The following SRPK2 variants were observed in gnomAD, a reference collection of about 807,000 sequenced individuals.
SRPK2 encodes SRSF protein kinase 2, also known as SFRS protein kinase 2.
In SRPK2, 21 loss-of-function variants were observed where a neutral mutation model predicts 90.8. The observed-to-expected ratio is 0.23, with a 90% CI of 0.16 to 0.33. The LOEUF is 0.33. Ranked by LOEUF, SRPK2 falls within the 10% of genes least tolerant of loss-of-function variation. The probability of loss-of-function intolerance (pLI) is 1.00; values close to 1 mark genes in which losing one functional copy is unlikely to be tolerated. For missense variants in SRPK2, 620 were observed against 869.0 expected (o/e 0.71, Z 3.60); for synonymous variants, 288 against 311.1 (o/e 0.93, Z 0.78).
intron 2 of SRPK2, among the ~76,000 whole-genome samples, chr7:105,264,167 C>T (rs902975318): frequency 7.9e-5 from 12 of 152,292 alleles, no homozygotes; most frequent in African/African-American, 2.9e-4. Context: ...GTCCAGGATC[C>T]TTTTCCACTG....
At chr7:105,396,317 A>T (rs1822320313) in intron 1 of SRPK2, among the ~76,000 whole-genome samples, 1 of 152,032 alleles carries the variant, frequency 6.6e-6, no homozygotes, top group African/African-American at 2.4e-5. Context: ...CAGCCTGAAC[A>T]ATGAGACCAT....
intron 2 of SRPK2, among the ~76,000 whole-genome samples, chr7:105,289,872 T>C (rs1354445006): frequency 6.6e-6 from 1 of 152,156 alleles, no homozygotes; most frequent in Admixed American, 6.5e-5. Flanking sequence ...GTGTGAGATG[T>C]GTAACTCTTC....
chr7:105,153,835 T>C (rs1439501300), intron 7 of SRPK2, among the ~76,000 whole-genome samples: 2 of 152,064 alleles, frequency 1.3e-5, no homozygotes, highest in South Asian at 2.1e-4. Flanking sequence ...GAGTTCTTCA[T>C]TGAGAATATT....
intron 2 of SRPK2, among the ~76,000 whole-genome samples, chr7:105,227,074 G>C (rs1382718493): frequency 6.6e-6 from 1 of 152,136 alleles, no homozygotes; most frequent in African/African-American, 2.4e-5. Flanking sequence ...CAGAGAGAAT[G>C]GGGACCATAA....
chr7:105,252,762 A>C (rs1394620002), intron 2 of SRPK2, among the ~76,000 whole-genome samples: 13 of 113,146 alleles, frequency 1.1e-4, no homozygotes, highest in Middle Eastern at 0.01. Flanking sequence ...TTTTTTTTTG[A>C]GACAGAGTCT....
At chr7:105,387,914 C>A (rs1339000109) in intron 2 of SRPK2, among the ~76,000 whole-genome samples, 1 of 152,220 alleles carries the variant, frequency 6.6e-6, no homozygotes, top group Non-Finnish European at 1.5e-5. Flanking sequence ...GTGGCCGCCA[C>A]GGGCGCGTTT....
chr7:105,126,386 G>A (rs766390068), intron 14 of SRPK2, 46 bp from the exon 15 acceptor site: 5 of 1,359,170 alleles, frequency 3.7e-6, no homozygotes, highest in South Asian at 1.2e-5. Context: ...AGGGGCAAAG[G>A]GAAGGATGGG....
At chr7:105,179,318 T>C (rs1428616812) in intron 3 of SRPK2, among the ~76,000 whole-genome samples, 1 of 152,216 alleles carries the variant, frequency 6.6e-6, no homozygotes, top group Admixed American at 6.5e-5. Context: ...TACCTGGGTA[T>C]ATATTATGTG....
chr7:105,377,793 C>G (rs551797950), intron 2 of SRPK2, among the ~76,000 whole-genome samples: 4 of 152,144 alleles, frequency 2.6e-5, no homozygotes, highest in Admixed American at 1.3e-4. Flanking sequence ...AAAATGGCAA[C>G]ACCACCCATA....
intron 2 of SRPK2, among the ~76,000 whole-genome samples, chr7:105,337,477 G>A (rs939841963): frequency 7.9e-5 from 12 of 151,820 alleles, no homozygotes; most frequent in Admixed American, 5.9e-4. Flanking sequence ...ACCAAGCCCA[G>A]CTAATTTTTT....
chr7:105,228,129 T>G (rs1400620379), intron 2 of SRPK2, among the ~76,000 whole-genome samples: 1 of 152,146 alleles, frequency 6.6e-6, no homozygotes, highest in African/African-American at 2.4e-5. Context: ...GCAACCTCCA[T>G]CTCTTGGGCT....
chr7:105,320,518 A>G (rs1563233779), intron 2 of SRPK2, among the ~76,000 whole-genome samples: 1 of 152,216 alleles, frequency 6.6e-6, no homozygotes. Context: ...TCATTTCCAC[A>G]GTACTCAAAA....
chr7:105,119,619 G>C (rs1800041077), intron 15 of SRPK2, among the ~76,000 whole-genome samples: 1 of 152,178 alleles, frequency 6.6e-6, no homozygotes, highest in Admixed American at 6.5e-5. Flanking sequence ...CATCAGGTCT[G>C]TGTTGATGAA....
At chr7:105,188,771 GA>G (rs1793905962) in intron 3 of SRPK2, among the ~76,000 whole-genome samples, 1 of 152,182 alleles carries the variant, frequency 6.6e-6, no homozygotes, top group Admixed American at 6.5e-5. Context: ...GGAAATAAAA[GA>G]GAAAAGATAT....
chr7:105,254,182 C>T (rs1802895139), intron 2 of SRPK2, among the ~76,000 whole-genome samples: 1 of 152,174 alleles, frequency 6.6e-6, no homozygotes, highest in Non-Finnish European at 1.5e-5. Flanking sequence ...CTTACCCACA[C>T]CCAATTAACA....
chr7:105,143,057 G>T, intron 10 of SRPK2, 27 bp downstream of exon 10: 1 of 1,606,054 alleles, frequency 6.2e-7, no homozygotes, highest in Non-Finnish European at 8.5e-7. Flanking sequence ...AGAACCCCAT[G>T]CAGCCCAGGT....
intron 2 of SRPK2, among the ~76,000 whole-genome samples, chr7:105,381,895 C>A (rs555977907): frequency 6.6e-6 from 1 of 152,104 alleles, no homozygotes; most frequent in Non-Finnish European, 1.5e-5. Context: ...AAGCTGGGCA[C>A]GGTGGCTCAC....
intron 2 of SRPK2, among the ~76,000 whole-genome samples, chr7:105,223,572 G>A (rs1447886355): frequency 6.6e-6 from 1 of 152,050 alleles, no homozygotes; most frequent in Non-Finnish European, 1.5e-5. Flanking sequence ...AATTGTCTAT[G>A]TCCCCCACAG....
chr7:105,158,324 A>G (rs1406754625), intron 7 of SRPK2, among the ~76,000 whole-genome samples: 1 of 150,288 alleles, frequency 6.7e-6, no homozygotes. Flanking sequence ...GCATGATCTC[A>G]GCTCACTGCA....
Sources: gnomAD v4.1 joint callset for allele counts (sites outside exome capture counted in the v4.1 genomes callset) on GRCh38, gnomAD v4.1.1 for gene constraint, MANE v1.5 for transcripts, NCBI Gene and HGNC (gene_info 2026-07-23, HGNC 2026-07-21) for gene names.